FBXL17: variants seen among roughly 807,000 people sequenced by gnomAD.
FBXL17 encodes the protein F-box/LRR-repeat protein 17.
A neutral mutation model predicts 66.2 loss-of-function variants in FBXL17; 22 were observed. The observed-to-expected ratio is 0.33, with a 90% CI of 0.24 to 0.47. The LOEUF is 0.47. FBXL17 is among the 20% of genes least tolerant of loss of function. The probability of loss-of-function intolerance (pLI) is 1.00; values close to 1 mark genes in which losing one functional copy is unlikely to be tolerated. For missense variants in FBXL17, 878 were observed against 948.2 expected, an observed-to-expected ratio of 0.93 and a Z score of 0.97; for synonymous variants, 474 against 400.5, an observed-to-expected ratio of 1.18 and a Z score of -2.19.
chr5:108,267,459 A>C (rs537934698), intron 4 of FBXL17, among the ~76,000 whole-genome samples: 143 of 152,224 alleles, frequency 9.4e-4, no homozygotes, highest in Non-Finnish European at 1.3e-3. Flanking sequence ...CAAAATATTC[A>C]GTATAAGATG....
At chr5:108,119,587 A>G (rs947635245) in intron 6 of FBXL17, among the ~76,000 whole-genome samples, 1 of 152,226 alleles carries the variant, frequency 6.6e-6, no homozygotes, top group Non-Finnish European at 1.5e-5. Flanking sequence ...GGCCTTAAGC[A>G]CCAATGAAAT....
intron 6 of FBXL17, among the ~76,000 whole-genome samples, chr5:108,130,977 C>A (rs1750911673): frequency 6.6e-6 from 1 of 151,958 alleles, no homozygotes; most frequent in South Asian, 2.1e-4. Flanking sequence ...TCTTTCTAAA[C>A]CTTCAAATTT....
rs185017467 is a variant in FBXL17, at chr5:108,376,205, A to C, written c.993+4494T>G. Among the ~76,000 whole-genome samples, 10 of 152,336 alleles carry C rather than the reference A, an allele frequency of 6.6e-5. No individual in the cohort carries two copies. In the East Asian group the frequency reaches 1.7e-3, roughly 26 times the overall value. ...GGTAAAAGTCTAAAAGTTTTTCCCCAAAATCAGAAACAAAACAAGGATTTC... is the reference window on the plus strand; with the variant it reads ...GGTAAAAGTCTAAAAGTTTTTCCCCCAAATCAGAAACAAAACAAGGATTTC... On this transcript the variant is annotated intron_variant, in intron 1 of 8. Coordinates refer to ENST00000542267, the MANE Select transcript of FBXL17 (RefSeq NM_001163315.3).
chr5:107,902,352 T>TGATACATTAAATCAATAAATTAATTTATC (rs1190753017), intron 7 of FBXL17, among the ~76,000 whole-genome samples: 3 of 152,168 alleles, frequency 2.0e-5, no homozygotes, highest in Non-Finnish European at 4.4e-5. Flanking sequence ...TTTAATTTAT[T>TGATACATTAAATCAATAAATTAATTTATC]GATACATTAA....
At chr5:108,115,565 T>C (rs76603392) in intron 6 of FBXL17, among the ~76,000 whole-genome samples, 26,402 of 150,906 alleles carry the variant, frequency 0.17, 2,454 homozygotes, top group African/African-American at 0.23. Flanking sequence ...CAACACTCAG[T>C]TCAAGCTGCT....
intron 6 of FBXL17, among the ~76,000 whole-genome samples, chr5:108,060,373 C>T (rs1417623907): frequency 6.6e-6 from 1 of 152,142 alleles, no homozygotes; most frequent in Non-Finnish European, 1.5e-5. Flanking sequence ...CATCCCTCTG[C>T]TGTTCAGCCA....
chr5:108,169,360 A>G (rs995134999), intron 6 of FBXL17, among the ~76,000 whole-genome samples: 115 of 152,224 alleles, frequency 7.6e-4, no homozygotes, highest in African/African-American at 2.7e-3. Context: ...TTCCTCAAAG[A>G]TAGTCATTCC....
intron 4 of FBXL17, among the ~76,000 whole-genome samples, chr5:108,341,070 T>C (rs1439489359): frequency 6.6e-6 from 1 of 152,200 alleles, no homozygotes; most frequent in Non-Finnish European, 1.5e-5. Flanking sequence ...ATTGCAATAC[T>C]GCCTCTGATA....
At position 107,879,579 on chromosome 5, in the gene FBXL17, G is replaced by C. The variant is rs866542908; in HGVS notation, c.1965+1458C>G. The C allele has an allele frequency of 5.1e-6, 5 of 985,300 alleles. No individual in the cohort carries two copies. In the African/African-American group the frequency reaches 5.2e-5, roughly 10 times the overall value. The allele number at this position is 985,300 out of a possible 1,614,324, so 61.0% of individuals were successfully genotyped here. ...GTCTCGTATAAGTTGGGATTCTAAAGTGTTTGGAGAAAAGAATTAGCCAAT... is the reference window on the plus strand; with the variant it reads ...GTCTCGTATAAGTTGGGATTCTAAACTGTTTGGAGAAAAGAATTAGCCAAT... On this transcript the variant is annotated intron_variant, in intron 8 of 8. Transcript: ENST00000542267.
chr5:108,353,968 G>T (rs918002353), intron 3 of FBXL17, among the ~76,000 whole-genome samples: 1 of 152,082 alleles, frequency 6.6e-6, no homozygotes, highest in South Asian at 2.1e-4. Context: ...TTTAATTGTT[G>T]GATTTTTTTC....
intron 6 of FBXL17, among the ~76,000 whole-genome samples, chr5:108,183,757 A>C (rs1753109357): frequency 6.6e-6 from 1 of 151,698 alleles, no homozygotes; most frequent in Non-Finnish European, 1.5e-5. Context: ...CCATTATACC[A>C]CTCTATATGC....
intron 8 of FBXL17, among the ~76,000 whole-genome samples, chr5:107,873,183 T>C (rs1010275815): frequency 1.3e-5 from 2 of 152,246 alleles, no homozygotes; most frequent in African/African-American, 2.4e-5. Flanking sequence ...AAAGCTGATG[T>C]AGGATCAAAG....
At chr5:108,146,663 C>G (rs1465257949) in intron 6 of FBXL17, among the ~76,000 whole-genome samples, 2 of 152,166 alleles carry the variant, frequency 1.3e-5, no homozygotes, top group Non-Finnish European at 2.9e-5. Flanking sequence ...CTAGAAGACT[C>G]CTGGAGAGTC....
At chr5:108,129,902 C>A (rs1038851555) in intron 6 of FBXL17, among the ~76,000 whole-genome samples, 19 of 148,896 alleles carry the variant, frequency 1.3e-4, no homozygotes, top group Admixed American at 7.4e-4. Context: ...CTAAATAACC[C>A]ATTTTTTAAC....
chr5:108,147,898 C>T (rs1368347847), intron 6 of FBXL17, among the ~76,000 whole-genome samples: 1 of 151,398 alleles, frequency 6.6e-6, no homozygotes, highest in Non-Finnish European at 1.5e-5. Flanking sequence ...AAATCGTATC[C>T]TCAATGAGCT....
chr5:108,305,261 C>G (rs964259915), intron 4 of FBXL17, among the ~76,000 whole-genome samples: 6 of 151,848 alleles, frequency 4.0e-5, no homozygotes, highest in African/African-American at 1.5e-4. Flanking sequence ...ATGATGAGAA[C>G]ACACAGACAC....
chr5:108,180,680 T>C lies in FBXL17; in HGVS notation c.1745+5437A>G, dbSNP rs144636957. 5.4e-4 allele frequency among the ~76,000 whole-genome samples: 82 copies of C among 152,286 alleles called. 1 individual carries two copies. In the East Asian group the frequency reaches 0.015, roughly 28 times the overall value. On this transcript the variant is annotated intron_variant, in intron 6 of 8. Transcript: ENST00000542267. ...TGTGCACTGATGCAATAGCTTCCCTTACATAAATACAAGATTCACACAGCA... is the reference window on the plus strand; with the variant it reads ...TGTGCACTGATGCAATAGCTTCCCTCACATAAATACAAGATTCACACAGCA...
At chr5:107,994,504 A>T (rs542113733) in intron 7 of FBXL17, among the ~76,000 whole-genome samples, 2 of 152,276 alleles carry the variant, frequency 1.3e-5, no homozygotes, top group Non-Finnish European at 2.9e-5. Flanking sequence ...TTAAAACTGC[A>T]TATTTTAAAA....
intron 6 of FBXL17, among the ~76,000 whole-genome samples, chr5:108,108,908 T>C (rs937742951): frequency 1.3e-5 from 2 of 151,410 alleles, no homozygotes; most frequent in East Asian, 2.0e-4. Context: ...CTCAGCCTCC[T>C]GAGTAGCTGG....
Sources: gnomAD v4.1 joint callset for allele counts (sites outside exome capture counted in the v4.1 genomes callset) on GRCh38, gnomAD v4.1.1 for gene constraint, MANE v1.5 for transcripts, NCBI Gene and HGNC (gene_info 2026-07-23, HGNC 2026-07-21) for gene names.